The following ABCC4 variants were observed in gnomAD, a reference collection of about 807,000 sequenced individuals.
ABCC4 encodes the protein ATP binding cassette subfamily C member 4 (PEL blood group).
A neutral mutation model predicts 168.5 loss-of-function variants in ABCC4; 102 were observed. The ratio of observed to expected loss-of-function variants is 0.61; its 90% CI spans 0.52 to 0.71. The LOEUF (loss-of-function observed/expected upper bound fraction) is 0.71, where lower values mean the gene tolerates loss of function less well. ABCC4 is among the 30% of genes least tolerant of loss of function. ABCC4 has a pLI of 0.00. For synonymous variants in ABCC4, 617 were observed against 590.7 expected, an observed-to-expected ratio of 1.04 and a Z score of -0.65; for missense variants, 1,402 against 1,605.8, an observed-to-expected ratio of 0.87 and a Z score of 2.17.
At position 95,225,147 on chromosome 13, in the gene ABCC4, TCTCTCTCACACACACA is replaced by T. The variant is rs1170203283; in HGVS notation, c.531+9447_531+9462del. On this transcript the variant is annotated intron_variant, in intron 4 of 30. Coordinates refer to ENST00000645237, the MANE Select transcript of ABCC4 (RefSeq NM_005845.5). ...CTGTCTGTCTGTCTGTCTGTCTCTC[TCTCTCTCACACACACA>T]CACACACACACACACACACACACAC... Among the ~76,000 whole-genome samples the T allele has an allele frequency of 5.8e-3, 586 of 100,782 alleles. 3 individuals are homozygous for T. The highest frequency in any genetic ancestry group is 0.012 in the African/African-American group (308 of 26,592). 66.1% of individuals were successfully genotyped at this position (100,782 alleles called of 152,430 possible).
At chr13:95,068,972 A>G (rs2033638307) in intron 25 of ABCC4, among the ~76,000 whole-genome samples, 1 of 152,220 alleles carries the variant, frequency 6.6e-6, no homozygotes, top group Non-Finnish European at 1.5e-5. Flanking sequence ...AGTGGTCTCC[A>G]CCTTCTTCAC....
intron 21 of ABCC4, among the ~76,000 whole-genome samples, chr13:95,077,913 G>C (rs1566397715): frequency 6.6e-6 from 1 of 152,116 alleles, no homozygotes; most frequent in African/African-American, 2.4e-5. Context: ...AGAGTCCACA[G>C]TTCCGTAAGT....
chr13:95,133,108 C>CT (rs761691210), intron 19 of ABCC4, among the ~76,000 whole-genome samples: 2,002 of 110,616 alleles, frequency 0.018, 17 homozygotes, highest in East Asian at 0.021. Context: ...GATTTTAAAA[C>CT]TTTTTTTTTT....
intron 8 of ABCC4, among the ~76,000 whole-genome samples, chr13:95,197,149 T>G (rs916818467): frequency 5.3e-5 from 8 of 152,196 alleles, no homozygotes; most frequent in African/African-American, 1.9e-4. Flanking sequence ...CACACTCACC[T>G]GCATGAACAC....
intron 21 of ABCC4, among the ~76,000 whole-genome samples, chr13:95,081,304 CACAG>C (rs142077718): frequency 0.065 from 9,839 of 152,194 alleles, 1,022 homozygotes; most frequent in African/African-American, 0.22. Flanking sequence ...TGGCTGTTGA[CACAG>C]ACAGTCTACG....
At chr13:95,242,061 G>A (rs12427972) in intron 3 of ABCC4, among the ~76,000 whole-genome samples, 9,092 of 152,054 alleles carry the variant, frequency 0.06, 433 homozygotes, top group East Asian at 0.2. Context: ...GCATAAGTGG[G>A]TTAAAAAAGG....
At position 95,086,115 on chromosome 13, in the gene ABCC4, G is replaced by GTGTGTGTGTC. The variant is rs1289522421; in HGVS notation, c.2536-2826_2536-2825insGACACACACA. 1.3e-4 allele frequency among the ~76,000 whole-genome samples: 19 copies of GTGTGTGTGTC among 152,000 alleles called. No individual in the cohort carries two copies. In the East Asian group the frequency reaches 3.7e-3, roughly 29 times the overall value. On this transcript the variant is annotated intron_variant, in intron 20 of 30. Coordinates refer to ENST00000645237, the MANE Select transcript of ABCC4 (RefSeq NM_005845.5). ...TGTGTGTGTGTGTGTGTGTGTGTGT[G>GTGTGTGTGTC]TGTGGTTATATCTGGTCTCTCAGTG... is the stretch of plus-strand genomic sequence containing the variant.
chr13:95,194,715 CAT>C (rs1457850614), intron 9 of ABCC4, 119 bp downstream of exon 9: 1 of 699,206 alleles, frequency 1.4e-6, no homozygotes, highest in Non-Finnish European at 2.3e-6. Context: ...ATCTTTGTAA[CAT>C]AGTTTCAGTA....
At chr13:95,222,583 G>GC (rs1021616178) in intron 4 of ABCC4, among the ~76,000 whole-genome samples, 1 of 152,204 alleles carries the variant, frequency 6.6e-6, no homozygotes, top group Non-Finnish European at 1.5e-5. Flanking sequence ...GGTCAAGGCC[G>GC]CCCAAGCCTT....
At chr13:95,203,560 G>A (rs1486422920) in intron 8 of ABCC4, among the ~76,000 whole-genome samples, 1 of 152,004 alleles carries the variant, frequency 6.6e-6, no homozygotes, top group Non-Finnish European at 1.5e-5. Context: ...ATTTCACCAT[G>A]TTGGCCAAGC....
At chr13:95,247,412 G>C (rs1276589362) in intron 2 of ABCC4, among the ~76,000 whole-genome samples, 1 of 152,192 alleles carries the variant, frequency 6.6e-6, no homozygotes, top group African/African-American at 2.4e-5. Flanking sequence ...CAGACCTCAG[G>C]CATCTCGGGC....
At position 95,073,287 on chromosome 13, in the gene ABCC4, C is replaced by A. The variant is rs2033792616; in HGVS notation, c.2935G>T (p.Val979Phe). The change falls in exon 24 of 31, where the codon GTT becomes TTT. Residue 979 changes from valine to phenylalanine, a missense_variant. Coordinates refer to ENST00000645237, the MANE Select transcript of ABCC4 (RefSeq NM_005845.5). Reference sequence around the variant, plus strand: ...AGGGCATAGGACAGTGCCAAACCAACCTGCCCGGCATCCAGAGCTACGTAA... The same window carrying A: ...AGGGCATAGGACAGTGCCAAACCAAACTGCCCGGCATCCAGAGCTACGTAA... ...ILAKTLDAGQ[V>F]GLALSYALTL... The A allele has an allele frequency of 1.2e-6, 2 of 1,613,432 alleles. No individual in the cohort carries two copies. Among genetic ancestry groups the A allele is most frequent in the South Asian group, 1.1e-5 (1 of 90,936 alleles).
At chr13:95,239,682 T>C (rs1036647232) in intron 3 of ABCC4, among the ~76,000 whole-genome samples, 2 of 152,098 alleles carry the variant, frequency 1.3e-5, no homozygotes, top group Admixed American at 6.5e-5. Flanking sequence ...CATCAAAATA[T>C]ACAGAACAAG....
chr13:95,200,466 T>C (rs1326201009), intron 8 of ABCC4, among the ~76,000 whole-genome samples: 1 of 152,202 alleles, frequency 6.6e-6, no homozygotes, highest in Non-Finnish European at 1.5e-5. Flanking sequence ...GCTCACGCTG[T>C]AATCCCAACA....
intron 19 of ABCC4, among the ~76,000 whole-genome samples, chr13:95,126,199 G>A (rs2035754188): frequency 6.6e-6 from 1 of 152,060 alleles, no homozygotes; most frequent in Admixed American, 6.6e-5. Context: ...TCCTGTCACT[G>A]TCGTTTGCGG....
At position 95,163,233 on chromosome 13, in the gene ABCC4, G is replaced by A. The variant is rs1566479684; in HGVS notation, c.2214-17C>T. On this transcript the variant is annotated splice_polypyrimidine_tract_variant and intron_variant, in intron 17 of 30. Transcript: ENST00000645237. Reference sequence around the variant, plus strand: ...TTGTTTGCCCTATGGAACATGGGGAGAAAAAAATATTAAGCTATATATGAA... The same window carrying A: ...TTGTTTGCCCTATGGAACATGGGGAAAAAAAAATATTAAGCTATATATGAA... 1.3e-6 allele frequency: 2 copies of A among 1,488,178 alleles called. No individual in the cohort carries two copies. The highest frequency in any genetic ancestry group is 1.9e-5 in the Admixed American group (1 of 51,464). The allele number at this position is 1,488,178 out of a possible 1,614,324, so 92.2% of individuals were successfully genotyped here.
At chr13:95,164,245 C>T in intron 16 of ABCC4, 133 bp downstream of exon 16, 1 of 1,075,112 alleles carries the variant, frequency 9.3e-7, no homozygotes, top group Non-Finnish European at 1.3e-6. Context: ...CAGTAGGCAG[C>T]CCTCACTTTG....
chr13:95,057,336 T>A (rs1311352481), intron 26 of ABCC4, among the ~76,000 whole-genome samples: 2 of 151,442 alleles, frequency 1.3e-5, no homozygotes, highest in Admixed American at 1.3e-4. Context: ...GCCTCTGGGG[T>A]TCAAGCAATT....
chr13:95,194,643 T>C (rs2038358572), intron 9 of ABCC4, among the ~76,000 whole-genome samples, 193 bp downstream of exon 9: 1 of 152,216 alleles, frequency 6.6e-6, no homozygotes, highest in Non-Finnish European at 1.5e-5. Flanking sequence ...ACTTGTCAAA[T>C]ACCTAAGTCT....
Sources: gnomAD v4.1 joint callset for allele counts (sites outside exome capture counted in the v4.1 genomes callset) on GRCh38, gnomAD v4.1.1 for gene constraint, MANE v1.5 for transcripts, NCBI Gene and HGNC (gene_info 2026-07-23, HGNC 2026-07-21) for gene names.